Variants in SIM2 observed in about 807,000 individuals in gnomAD.
The protein encoded by SIM2 is single-minded homolog 2.
SIM2 carries 28 observed loss-of-function variants against 64.8 expected under a neutral mutation model. That is an observed-to-expected ratio of 0.43 (90% confidence interval 0.32 to 0.59). SIM2 has a LOEUF of 0.59. SIM2 is among the 20% of genes least tolerant of loss of function. The pLI, the probability that SIM2 is intolerant of heterozygous loss-of-function variation, is 0.07. For synonymous variants in SIM2, 408 were observed against 391.1 expected (o/e 1.04, Z -0.51); for missense variants, 847 against 871.4 (o/e 0.97, Z 0.35).
chr21:36,745,016 A>C lies in SIM2; in HGVS notation c.1456A>C (p.Ser486Arg). 6.2e-7 allele frequency: 1 copy of C among 1,614,186 alleles called. No individual in the cohort carries two copies. The highest frequency in any genetic ancestry group is 1.1e-5 in the South Asian group (1 of 91,086). Residue 486 changes from serine (S) to arginine (R), a missense_variant, in exon 10 of 11, where the codon AGC becomes CGC. Physicochemically the swap from Ser to Arg is moderately radical, Grantham distance 110. Transcript: ENST00000290399. The surrounding 1 kb of genome is among the most constrained non-coding windows in gnomAD (Gnocchi z 4.8). ...ARFFLSTLPA[S>R]GECQWHYANP... ...CTTTTTCCTGAGCACACTGCCAGCC[A>C]GCGGTGAATGCCAGTGGCATTATGC...
At chr21:36,743,196 G>A (rs1020452192) in intron 8 of SIM2, among the ~76,000 whole-genome samples, 191 bp from the exon 9 acceptor site, 1 of 152,204 alleles carries the variant, frequency 6.6e-6, no homozygotes, top group Non-Finnish European at 1.5e-5. Context: ...TCCTGGGGTG[G>A]CCCAGCCTGG....
intron 7 of SIM2, among the ~76,000 whole-genome samples, chr21:36,736,829 TTCTTTCTTTC>T (rs1395218880): frequency 3.0e-5 from 4 of 132,046 alleles, no homozygotes; most frequent in African/African-American, 1.3e-4. Flanking sequence ...CCTCCCTTTC[TTCTTTCTTTC>T]TCTTTCTTTT....
chr21:36,737,982 A>AAAAAAAAG (rs2089095780), intron 7 of SIM2, among the ~76,000 whole-genome samples: 5 of 88,778 alleles, frequency 5.6e-5, no homozygotes, highest in African/African-American at 1.7e-4. Flanking sequence ...AAAAAAAAAA[A>AAAAAAAAG]GCAAAAAAAA....
At chr21:36,724,120 C>A (rs956563538) in intron 5 of SIM2, among the ~76,000 whole-genome samples, 1 of 152,234 alleles carries the variant, frequency 6.6e-6, no homozygotes, top group African/African-American at 2.4e-5. Flanking sequence ...AGGCCCCGCC[C>A]CAGCTCCCCT....
At position 36,742,585 on chromosome 21, in the gene SIM2, C is replaced by A. The variant is rs775008202; in HGVS notation, c.998+721C>A. On this transcript the variant is annotated intron_variant, in intron 8 of 10. Transcript: ENST00000290399. ...CAAATACTTTTAAGGCCATTAGAAG[C>A]AATAGGACAGATGTCTATCTGGGGC... Among the ~76,000 whole-genome samples, 5 of 152,234 alleles carry A rather than the reference C, an allele frequency of 3.3e-5. No individual in the cohort carries two copies. In the East Asian group the frequency reaches 9.7e-4, roughly 29 times the overall value.
chr21:36,740,814 G>A (rs2089150221), intron 7 of SIM2, among the ~76,000 whole-genome samples: 1 of 152,222 alleles, frequency 6.6e-6, no homozygotes, highest in Admixed American at 6.5e-5. Flanking sequence ...TGCTCAGGCA[G>A]CTGCTAGTTA....
intron 1 of SIM2, among the ~76,000 whole-genome samples, chr21:36,700,774 C>T (rs2088481265): frequency 6.6e-6 from 1 of 152,238 alleles, no homozygotes; most frequent in Non-Finnish European, 1.5e-5. Flanking sequence ...AGCTGAGACC[C>T]GGCTGAAAGA....
intron 7 of SIM2, among the ~76,000 whole-genome samples, chr21:36,733,197 G>T (rs949750910): frequency 6.6e-6 from 1 of 152,146 alleles, no homozygotes; most frequent in Non-Finnish European, 1.5e-5. Context: ...AGGCCTCTAA[G>T]CACAGAGACA....
At chr21:36,716,334 T>C (rs2088746017) in intron 3 of SIM2, among the ~76,000 whole-genome samples, 1 of 152,196 alleles carries the variant, frequency 6.6e-6, no homozygotes, top group Non-Finnish European at 1.5e-5. Flanking sequence ...ATATAGCATC[T>C]AGGTAACTAG....
chr21:36,700,644 G>T (rs1351105091), intron 1 of SIM2, among the ~76,000 whole-genome samples: 1 of 152,176 alleles, frequency 6.6e-6, no homozygotes, highest in East Asian at 1.9e-4. Flanking sequence ...CGGGGATCAC[G>T]GTGAGGCCCA....
chr21:36,744,260 T>C (rs1355273189), intron 9 of SIM2, among the ~76,000 whole-genome samples: 1 of 138,728 alleles, frequency 7.2e-6, no homozygotes, highest in Admixed American at 7.8e-5. Context: ...ACTTTGGTAA[T>C]GTGGTCATTA....
chr21:36,727,576 A>C (rs140242084), intron 6 of SIM2, among the ~76,000 whole-genome samples: 1 of 152,314 alleles, frequency 6.6e-6, no homozygotes, highest in African/African-American at 2.4e-5. Flanking sequence ...AGACGGAAGC[A>C]TTGGAAACAG....
intron 7 of SIM2, among the ~76,000 whole-genome samples, chr21:36,737,122 T>C (rs2089073064): frequency 6.6e-6 from 1 of 152,044 alleles, no homozygotes; most frequent in South Asian, 2.1e-4. Context: ...AAAGATGGGG[T>C]CTTGCTATGT....
Position 36,747,930 on chromosome 21 carries a change from C to T in SIM2, c.1842C>T (p.Gly614=). ...TGGCCCGGCGCGGACCGCTGGGGGG[C>T]GCCGCACCCGCCGCCTCCGGCCTGG... The part of the protein sequence containing the change: ...RVLARRGPLG[G]AAPAASGLAC... The change falls in exon 11 of 11, where the codon GGC becomes GGT. Residue 614 remains glycine (G), a synonymous_variant. Transcript: ENST00000290399. This position sits in a 1 kb window ranked among gnomAD's most constrained non-coding sequence, Gnocchi z 4.5. 9.7e-7 allele frequency: 1 copy of T among 1,030,526 alleles called. No individual in the cohort carries two copies. Among genetic ancestry groups the T allele is most frequent in the East Asian group, 1.0e-4 (1 of 9,668 alleles). 63.8% of individuals were successfully genotyped at this position (1,030,526 alleles called of 1,614,324 possible).
At chr21:36,704,609 G>C (rs931442824) in intron 1 of SIM2, among the ~76,000 whole-genome samples, 2 of 152,226 alleles carry the variant, frequency 1.3e-5, no homozygotes, top group Non-Finnish European at 2.9e-5. Flanking sequence ...TGAACCCCGG[G>C]GCGGAAAGGG....
chr21:36,707,978 G>A (rs1005007322), intron 1 of SIM2, among the ~76,000 whole-genome samples: 4 of 16,800 alleles, frequency 2.4e-4, no homozygotes, highest in Non-Finnish European at 4.2e-4. Flanking sequence ...GCCCAGCGTG[G>A]GTTGGGGCGG....
In SIM2 at chr21:36,747,957, C is replaced by A; in HGVS notation, c.1869C>A (p.Ala623=). Reference sequence around the variant, plus strand: ...CCGCACCCGCCGCCTCCGGCCTGGCCTGCGCTCCCGGCGGCCCCGAGGCGG... The same window carrying A: ...CCGCACCCGCCGCCTCCGGCCTGGCATGCGCTCCCGGCGGCCCCGAGGCGG... ...GGAAPAASGL[A]CAPGGPEAAT... The change falls in exon 11 of 11, where the codon GCC becomes GCA. Residue 623 remains alanine (A), a synonymous_variant. Transcript: ENST00000290399. This position sits in a 1 kb window ranked among gnomAD's most constrained non-coding sequence, Gnocchi z 4.5. 9.9e-7 allele frequency: 1 copy of A among 1,005,284 alleles called. No homozygotes were observed. The allele number at this position is 1,005,284 out of a possible 1,614,324, so 62.3% of individuals were successfully genotyped here.
Position 36,712,650 on chromosome 21 carries a change from C to G in SIM2, c.348+28C>G, listed in dbSNP as rs1412583559. The G allele has an allele frequency of 2.7e-6, 4 of 1,458,486 alleles. No individual in the cohort carries two copies. In the Admixed American group the frequency reaches 7.0e-5, roughly 25 times the overall value. The allele number at this position is 1,458,486 out of a possible 1,614,324, so 90.3% of individuals were successfully genotyped here. ...GGGTATTGCCTAATTTTATGTGCAA[C>G]CAAAATATTAAACGAAGTGACAGCA... is the stretch of plus-strand genomic sequence containing the variant. On this transcript the variant is annotated intron_variant, in intron 3 of 10. Transcript: ENST00000290399.
chr21:36,719,957 ACAGACT>A, intron 4 of SIM2, 28 bp downstream of exon 4: 1 of 1,282,768 alleles, frequency 7.8e-7, no homozygotes, highest in Non-Finnish European at 1.1e-6. Flanking sequence ...AAAAAAAAAA[ACAGACT>A]AAAAGCAAGG....
Sources: gnomAD v4.1 joint callset for allele counts (sites outside exome capture counted in the v4.1 genomes callset) on GRCh38, gnomAD v4.1.1 for gene constraint, Gnocchi (gnomAD v3.1) non-coding constraint, MANE v1.5 for transcripts, NCBI Gene and HGNC (gene_info 2026-07-23, HGNC 2026-07-21) for gene names.